Variants in VWF observed in about 807,000 individuals in gnomAD.
VWF encodes the protein Factor VIII related antigen.
Under a neutral mutation model 308.6 loss-of-function variants are expected in VWF, and 176 were observed. The observed-to-expected ratio is 0.57, with a 90% CI of 0.50 to 0.65. The LOEUF (loss-of-function observed/expected upper bound fraction) is 0.65, where lower values mean the gene tolerates loss of function less well. Among genes scored for constraint, VWF ranks in the 30% least tolerant of loss-of-function variants. VWF has a pLI of 0.00. For missense variants in VWF, 3,146 were observed against 3,648.2 expected (o/e 0.86, Z 3.55); for synonymous variants, 1,385 against 1,443.4 (o/e 0.96, Z 0.92).
chr12:6,036,570 T>C (rs1375155930), intron 18 of VWF, 79 bp from the exon 19 acceptor site: 22 of 1,374,860 alleles, frequency 1.6e-5, no homozygotes, highest in Middle Eastern at 1.8e-4. Context: ...CCAGGAAGTG[T>C]TGTCTGAGAC....
chr12:6,075,530 G>T lies in VWF; in HGVS notation c.679C>A (p.Leu227Ile). The T allele has an allele frequency of 1.2e-6, 2 of 1,614,044 alleles. No homozygotes were observed. Among genetic ancestry groups the T allele is most frequent in the Non-Finnish European group, 1.7e-6 (2 of 1,179,936 alleles). The stretch of plus-strand genomic sequence containing the variant: ...GCAAACACCGAGGTGCTCTTCAGAA[G>T]CTGGCACTGCTCCCACAGGCCCTGC... ...MQKGLWEQCQLLKSTSVFARC... is the reference protein window; with the variant it reads ...MQKGLWEQCQILKSTSVFARC... Residue 227 changes from leucine to isoleucine, a missense_variant, in exon 7 of 52, where the codon CTT (leucine) becomes ATT (isoleucine). This residue lies in a region of VWF where 1,304 missense variants were observed against 1,353.0 expected (regional missense o/e 0.96). Coordinates refer to ENST00000261405, the MANE Select transcript of VWF (RefSeq NM_000552.5). This position sits in a 1 kb window ranked among gnomAD's most constrained non-coding sequence, Gnocchi z 4.7.
intron 5 of VWF, among the ~76,000 whole-genome samples, chr12:6,102,984 T>C (rs1415629415): frequency 6.6e-6 from 1 of 152,104 alleles, no homozygotes; most frequent in Non-Finnish European, 1.5e-5. Context: ...GACTTCAAAA[T>C]ATATTACAAG....
At chr12:6,056,557 T>A (rs1207614936) in intron 15 of VWF, among the ~76,000 whole-genome samples, 1 of 152,080 alleles carries the variant, frequency 6.6e-6, no homozygotes, top group East Asian at 1.9e-4. Flanking sequence ...GAACACTAGG[T>A]GGCAGCGGCC....
intron 38 of VWF, among the ~76,000 whole-genome samples, chr12:5,988,629 AG>A (rs1352522843): frequency 2.6e-5 from 4 of 152,240 alleles, no homozygotes; most frequent in African/African-American, 4.8e-5. Flanking sequence ...AGGAAGCTTA[AG>A]GCCTGCCCAA....
intron 3 of VWF, among the ~76,000 whole-genome samples, chr12:6,118,354 C>T (rs2053402178): frequency 6.7e-6 from 1 of 149,878 alleles, no homozygotes. Context: ...GCAGTGTCTC[C>T]ATCAAAATCT....
chr12:6,110,757 T>C, intron 4 of VWF, 109 bp downstream of exon 4: 1 of 1,379,210 alleles, frequency 7.3e-7, no homozygotes, highest in Non-Finnish European at 1.0e-6. Context: ...ACTCACTTCC[T>C]TGGAACATTT....
At chr12:6,123,121 T>C (rs754712688) in intron 2 of VWF, 21 bp downstream of exon 2, 8 of 1,613,840 alleles carry the variant, frequency 5.0e-6, no homozygotes, top group African/African-American at 1.3e-5. Context: ...GAATGAGAAA[T>C]GGAGGCCCTT....
At chr12:6,003,490 C>A (rs1293713065) in intron 34 of VWF, among the ~76,000 whole-genome samples, 2 of 149,712 alleles carry the variant, frequency 1.3e-5, no homozygotes, top group African/African-American at 2.5e-5. Flanking sequence ...AGAAAGGAAA[C>A]GGGAGTTAAA....
intron 6 of VWF, among the ~76,000 whole-genome samples, chr12:6,079,957 C>T (rs1442097053): frequency 6.6e-6 from 1 of 152,052 alleles, no homozygotes; most frequent in Non-Finnish European, 1.5e-5. Flanking sequence ...GCAAACAGAT[C>T]CCCCTCATAA....
At chr12:6,087,846 C>G (rs1944990300) in intron 6 of VWF, among the ~76,000 whole-genome samples, 1 of 152,102 alleles carries the variant, frequency 6.6e-6, no homozygotes, top group South Asian at 2.1e-4. Context: ...CCACTTCAGA[C>G]AGCTGTCGGA....
At chr12:6,039,486 C>G (rs553014492) in intron 18 of VWF, among the ~76,000 whole-genome samples, 1 of 152,318 alleles carries the variant, frequency 6.6e-6, no homozygotes, top group Admixed American at 6.5e-5. Context: ...GCCAAAGCAG[C>G]TGAACTCAGC....
rs201361783 is a variant in VWF at position 5,991,167 on chromosome 12, TCACACACACACA to T, written c.6798+640_6798+651del. Among the ~76,000 whole-genome samples the T allele has an allele frequency of 2.8e-4, 38 of 134,884 alleles. 1 individual carries two copies. Among genetic ancestry groups the T allele is most frequent in the African/African-American group, 8.9e-4 (33 of 37,194 alleles). The allele number at this position is 134,884 out of a possible 152,430, so 88.5% of individuals were successfully genotyped here. ...GTGGAATCCCAGTCCCAAGGGATTC[TCACACACACACA>T]CACACACACACACACACACACACAC... On this transcript the variant is annotated intron_variant, in intron 38 of 51. Transcript: ENST00000261405.
intron 6 of VWF, among the ~76,000 whole-genome samples, chr12:6,093,697 G>C (rs1025248779): frequency 2.2e-4 from 33 of 152,348 alleles, no homozygotes; most frequent in African/African-American, 7.7e-4. Flanking sequence ...GCCCAAGTCA[G>C]CCTGTTCCAC....
intron 21 of VWF, among the ~76,000 whole-genome samples, chr12:6,030,198 A>G (rs1180757151): frequency 1.3e-5 from 2 of 152,156 alleles, no homozygotes; most frequent in Non-Finnish European, 2.9e-5. Flanking sequence ...GTAACATATC[A>G]CATGCAGTGC....
chr12:6,084,660 T>A (rs997796463), intron 6 of VWF, among the ~76,000 whole-genome samples: 1 of 152,054 alleles, frequency 6.6e-6, no homozygotes, highest in Non-Finnish European at 1.5e-5. Flanking sequence ...GAGGGGGACA[T>A]TCCTAGGACT....
At chr12:6,092,742 G>A (rs1176908249) in intron 6 of VWF, among the ~76,000 whole-genome samples, 1 of 151,434 alleles carries the variant, frequency 6.6e-6, no homozygotes, top group Admixed American at 6.6e-5. Context: ...TACAGAGGCT[G>A]TGCACAAGAT....
At chr12:5,953,800 C>A in intron 47 of VWF, 4 of 602,240 alleles carry the variant, frequency 6.6e-6, no homozygotes, top group East Asian at 2.9e-5. Flanking sequence ...ACATCTCACT[C>A]AAGTTGTAGC....
At chr12:6,106,360 TC>T (rs1433614087) in intron 5 of VWF, among the ~76,000 whole-genome samples, 3 of 152,178 alleles carry the variant, frequency 2.0e-5, no homozygotes, top group African/African-American at 7.2e-5. Flanking sequence ...GCTGTATGAT[TC>T]CACTTATATG....
intron 10 of VWF, among the ~76,000 whole-genome samples, chr12:6,068,386 C>T (rs1056741370): frequency 2.6e-5 from 4 of 152,166 alleles, no homozygotes; most frequent in Non-Finnish European, 5.9e-5. Context: ...AACCCACAGG[C>T]CTTTAGCAAA....
Sources: allele counts gnomAD v4.1 joint callset (sites outside exome capture counted in the v4.1 genomes callset), GRCh38; gene constraint gnomAD v4.1.1; regional missense constraint gnomAD v4.1.1; non-coding constraint Gnocchi (gnomAD v3.1); transcripts MANE v1.5; gene names NCBI Gene and HGNC (gene_info 2026-07-23, HGNC 2026-07-21).